The following LINGO1 variants were observed in gnomAD, a reference collection of about 807,000 sequenced individuals.
LINGO1 encodes leucine rich repeat and Ig domain containing 1.
Under a neutral mutation model 37.3 loss-of-function variants are expected in LINGO1, and 11 were observed. The ratio of observed to expected loss-of-function variants is 0.29; its 90% CI spans 0.19 to 0.49. The LOEUF (loss-of-function observed/expected upper bound fraction) is 0.49. LINGO1 is among the 20% of genes least tolerant of loss of function. LINGO1 has a pLI of 0.99. For synonymous variants in LINGO1, 387 were observed against 403.0 expected (o/e 0.96, Z 0.48); for missense variants, 585 against 878.2 (o/e 0.67, Z 4.22).
chr15:77,660,681 C>T (rs2074970944), intron 3 of LINGO1, among the ~76,000 whole-genome samples: 1 of 152,240 alleles, frequency 6.6e-6, no homozygotes, highest in Non-Finnish European at 1.5e-5. Context: ...TAAGGGACTT[C>T]ATACATGCAC....
intron 1 of LINGO1, among the ~76,000 whole-genome samples, chr15:77,622,585 C>CCCTG (rs2073957574): frequency 6.6e-6 from 1 of 152,218 alleles, no homozygotes; most frequent in Admixed American, 6.5e-5. Context: ...CTCCCCAAGT[C>CCCTG]CCTGCCTGCC....
intron 2 of LINGO1, among the ~76,000 whole-genome samples, chr15:77,727,368 C>T (rs914119647): frequency 6.6e-6 from 1 of 152,032 alleles, no homozygotes; most frequent in African/African-American, 2.4e-5. Flanking sequence ...AACAGATAAA[C>T]AAAATGTGGT....
At chr15:77,621,488 G>T (rs2073916695) in intron 1 of LINGO1, among the ~76,000 whole-genome samples, 1 of 152,154 alleles carries the variant, frequency 6.6e-6, no homozygotes, top group South Asian at 2.1e-4. Flanking sequence ...GCCAGAGGGG[G>T]GCAGAGCTCT....
intron 3 of LINGO1, chr15:77,646,441 G>C (rs879687366): frequency 6.6e-6 from 3 of 455,912 alleles, no homozygotes; most frequent in African/African-American, 2.0e-5. Context: ...AAGGCGAGAA[G>C]AGGGAGGAGA....
chr15:77,707,748 G>A (rs965365414), intron 2 of LINGO1, among the ~76,000 whole-genome samples: 3 of 152,310 alleles, frequency 2.0e-5, no homozygotes, highest in African/African-American at 7.2e-5. Context: ...GACTCAGGAA[G>A]AGGCTGGGCA....
At chr15:77,634,328 C>A (rs1177326197), upstream of LINGO1, 2 of 455,998 alleles carry the variant, frequency 4.4e-6, no homozygotes, top group Admixed American at 2.3e-5. Context: ...TCTGGCACAC[C>A]GTTGCTCTGG....
Position 77,670,003 on chromosome 15 carries a change from A to G in LINGO1, c.-13+7086T>C, listed in dbSNP as rs185765017. On this transcript the variant is annotated intron_variant, in intron 3 of 3. Transcript: ENST00000559893. ...TGTGATAGCCATACGATGGAATATC[A>G]TTCAGCCAAAAAAAAGAATGAAGTA... 7.9e-5 allele frequency among the ~76,000 whole-genome samples: 12 copies of G among 152,384 alleles called. No homozygotes were observed. The East Asian group carries it at 2.3e-3, about 29-fold the overall frequency.
At chr15:77,755,780 C>G (rs2141373655) in intron 1 of LINGO1, among the ~76,000 whole-genome samples, 1 of 152,294 alleles carries the variant, frequency 6.6e-6, no homozygotes. Context: ...AGTGGCCCCA[C>G]CCCACCTGGC....
intron 1 of LINGO1, among the ~76,000 whole-genome samples, chr15:77,772,341 T>C (rs1381181062): frequency 6.6e-6 from 1 of 152,226 alleles, no homozygotes; most frequent in Non-Finnish European, 1.5e-5. Flanking sequence ...CAGGGCAATT[T>C]GGGGCAAGTC....
At chr15:77,713,210 T>TTGTGTGTGTG (rs57831674) in intron 2 of LINGO1, among the ~76,000 whole-genome samples, 2,767 of 123,712 alleles carry the variant, frequency 0.022, 76 homozygotes, top group African/African-American at 0.046. Flanking sequence ...GCCCAGCTAA[T>TTGTGTGTGTG]TGTGTGTGTG....
chr15:77,752,648 T>C (rs1194062707), intron 1 of LINGO1, among the ~76,000 whole-genome samples: 1 of 152,110 alleles, frequency 6.6e-6, no homozygotes, highest in Non-Finnish European at 1.5e-5. Flanking sequence ...CAGCCAACCC[T>C]AGGTAAGGGA....
chr15:77,815,727 G>A (rs1044065088), intron 1 of LINGO1, among the ~76,000 whole-genome samples: 2 of 152,060 alleles, frequency 1.3e-5, no homozygotes, highest in Non-Finnish European at 2.9e-5. Context: ...CCCCACCCAG[G>A]TCTTCCCAGC....
In LINGO1 at chr15:77,632,539, C is replaced by T; in HGVS notation, c.-224G>A. ...GGGCCGGGGCTCGGGAGTGGGGAGG[C>T]GGGAGGCCGCGGCCCCGGCGGGCGG... is the stretch of plus-strand genomic sequence containing the variant. On this transcript the variant is annotated 5_prime_UTR_variant, in exon 1 of 2. Coordinates refer to ENST00000355300, the MANE Select transcript of LINGO1 (RefSeq NM_032808.7). The surrounding 1 kb of genome is among the most constrained non-coding windows in gnomAD (Gnocchi z 6.0). The T allele has an allele frequency of 7.5e-6, 2 of 265,596 alleles. No individual in the cohort carries two copies. Among genetic ancestry groups the T allele is most frequent in the Middle Eastern group, 1.1e-3 (1 of 886 alleles). The allele number at this position is 265,596 out of a possible 1,614,324, so 16.5% of individuals were successfully genotyped here. A position where few individuals can be genotyped will look rare whatever the true frequency, so the allele number is the denominator to read the frequency against.
chr15:77,644,818 G>A (rs540462095), intron 3 of LINGO1, among the ~76,000 whole-genome samples: 3 of 152,300 alleles, frequency 2.0e-5, no homozygotes, highest in Non-Finnish European at 2.9e-5. Context: ...CCAGCGGCCA[G>A]GCCTGGCCCT....
intron 3 of LINGO1, chr15:77,648,411 A>T (rs1398872606): frequency 6.5e-6 from 1 of 153,994 alleles, no homozygotes. Flanking sequence ...GCACATGGCC[A>T]CTGTGTCAGC....
chr15:77,704,744 C>T (rs2075828622), intron 2 of LINGO1, among the ~76,000 whole-genome samples: 1 of 152,184 alleles, frequency 6.6e-6, no homozygotes, highest in Admixed American at 6.5e-5. Context: ...CACACTCTAA[C>T]CCTTGACACA....
intron 2 of LINGO1, among the ~76,000 whole-genome samples, chr15:77,710,079 C>A (rs549175342): frequency 6.6e-6 from 1 of 152,184 alleles, no homozygotes; most frequent in Non-Finnish European, 1.5e-5. Flanking sequence ...AGAGGGTGGC[C>A]GAGGGAAGCT....
chr15:77,815,545 C>G (rs2077040685), intron 1 of LINGO1, among the ~76,000 whole-genome samples: 1 of 152,184 alleles, frequency 6.6e-6, no homozygotes, highest in African/African-American at 2.4e-5. Flanking sequence ...ACTTTACAGA[C>G]ACAGAAACTG....
chr15:77,620,829 C>G (rs11856978), intron 1 of LINGO1, among the ~76,000 whole-genome samples: 36,462 of 151,888 alleles, frequency 0.24, 7,218 homozygotes, highest in African/African-American at 0.55. Context: ...GGGTGAAGGA[C>G]GGTAGTTAGG....
Sources: gnomAD v4.1 joint callset for allele counts (sites outside exome capture counted in the v4.1 genomes callset) on GRCh38, gnomAD v4.1.1 for gene constraint, Gnocchi (gnomAD v3.1) non-coding constraint, MANE v1.5 for transcripts, NCBI Gene and HGNC (gene_info 2026-07-23, HGNC 2026-07-21) for gene names.